The following TBC1D31 variants were observed in gnomAD, a reference collection of about 807,000 sequenced individuals.
TBC1D31 encodes the protein TBC1 domain family member 31, also known as WD repeat domain 67.
TBC1D31 carries 99 observed loss-of-function variants against 132.9 expected under a neutral mutation model. That is an observed-to-expected ratio of 0.74 (90% CI 0.63 to 0.88). The LOEUF (loss-of-function observed/expected upper bound fraction) is 0.88, where lower values mean the gene tolerates loss of function less well. Ranked by LOEUF, TBC1D31 falls within the 40% of genes least tolerant of loss-of-function variation. The probability of loss-of-function intolerance (pLI) is 0.00; values close to 1 mark genes in which losing one functional copy is unlikely to be tolerated. For synonymous variants in TBC1D31, 385 were observed against 419.4 expected (o/e 0.92, Z 1.00); for missense variants, 1,134 against 1,256.6 (o/e 0.90, Z 1.48).
chr8:123,112,348 A>C (rs1424779717), intron 10 of TBC1D31, among the ~76,000 whole-genome samples: 1 of 152,226 alleles, frequency 6.6e-6, no homozygotes, highest in Non-Finnish European at 1.5e-5. Context: ...AATCTACAAA[A>C]TAAGGTACAT....
intron 17 of TBC1D31, among the ~76,000 whole-genome samples, 168 bp from the exon 18 acceptor site, chr8:123,140,593 G>A (rs572408919): frequency 6.6e-6 from 1 of 151,942 alleles, no homozygotes; most frequent in South Asian, 2.1e-4. Context: ...GATTTCCAGG[G>A]GTCCTTACTC....
At chr8:123,095,711 T>C (rs1816775040) in intron 5 of TBC1D31, among the ~76,000 whole-genome samples, 1 of 152,218 alleles carries the variant, frequency 6.6e-6, no homozygotes, top group African/African-American at 2.4e-5. Flanking sequence ...CTTTCATGCT[T>C]TCTGGTATGA....
intron 19 of TBC1D31, among the ~76,000 whole-genome samples, chr8:123,144,408 A>T (rs1412133392): frequency 1.3e-5 from 2 of 152,240 alleles, no homozygotes; most frequent in African/African-American, 4.8e-5. Flanking sequence ...AAACTAGCTT[A>T]GTCTCATAAG....
At chr8:123,133,424 T>C (rs1018032336) in intron 16 of TBC1D31, among the ~76,000 whole-genome samples, 1 of 152,224 alleles carries the variant, frequency 6.6e-6, no homozygotes, top group Non-Finnish European at 1.5e-5. Flanking sequence ...TTTGGATATA[T>C]ATGTTTGCAC....
At chr8:123,138,605 C>G (rs533924358) in intron 17 of TBC1D31, among the ~76,000 whole-genome samples, 2 of 152,310 alleles carry the variant, frequency 1.3e-5, no homozygotes, top group Non-Finnish European at 2.9e-5. Context: ...CTGCCCCTGG[C>G]AGCCACGAAG....
chr8:123,153,776 A>G (rs909341038), downstream of TBC1D31, among the ~76,000 whole-genome samples: 2 of 152,246 alleles, frequency 1.3e-5, no homozygotes, highest in African/African-American at 4.8e-5. Context: ...TGCTACATTC[A>G]AAAAGTTTCT....
chr8:123,101,846 T>G (rs1246164850), intron 7 of TBC1D31, among the ~76,000 whole-genome samples: 2 of 152,220 alleles, frequency 1.3e-5, no homozygotes, highest in African/African-American at 4.8e-5. Context: ...CTCAGAGCCC[T>G]CAGTGCTTGC....
At chr8:123,135,961 C>A (rs1821055209) in intron 17 of TBC1D31, among the ~76,000 whole-genome samples, 1 of 152,204 alleles carries the variant, frequency 6.6e-6, no homozygotes, top group Non-Finnish European at 1.5e-5. Context: ...TAAACACTAA[C>A]ATTCTACTAA....
chr8:123,140,730 A>T, intron 17 of TBC1D31, 31 bp from the exon 18 acceptor site: 4 of 1,557,642 alleles, frequency 2.6e-6, no homozygotes, highest in Non-Finnish European at 3.5e-6. Flanking sequence ...TATATAAATT[A>T]GTGATTTTTT....
chr8:123,156,239 G>A (rs191272612), downstream of TBC1D31, among the ~76,000 whole-genome samples: 2 of 152,188 alleles, frequency 1.3e-5, no homozygotes, highest in Non-Finnish European at 2.9e-5. Flanking sequence ...TCAGGAGTTC[G>A]AGACCAGCCT....
chr8:123,129,235 T>A lies in TBC1D31; in HGVS notation c.2270+17T>A. 2.4e-5 allele frequency: 35 copies of A among 1,435,412 alleles called. No individual in the cohort carries two copies. Among genetic ancestry groups the A allele is most frequent in the South Asian group, 4.5e-5 (3 of 66,274 alleles). 88.9% of individuals were successfully genotyped at this position (1,435,412 alleles called of 1,614,324 possible). ...AAGACAGAGGTATGTGTTATCACTT[T>A]AAAAAAAAATCTGGACATATAAGTT... On this transcript the variant is annotated intron_variant, in intron 15 of 21. Transcript: ENST00000287380.
intron 18 of TBC1D31, 143 bp from the exon 19 acceptor site, chr8:123,142,119 T>G (rs1821763498): frequency 3.9e-6 from 2 of 516,684 alleles, no homozygotes; most frequent in African/African-American, 4.0e-5. Flanking sequence ...CATCAGCTTA[T>G]TTTAAACACT....
intron 21 of TBC1D31, among the ~76,000 whole-genome samples, chr8:123,150,612 A>C (rs995950331): frequency 6.6e-6 from 1 of 152,222 alleles, no homozygotes; most frequent in Non-Finnish European, 1.5e-5. Flanking sequence ...CCCCAGCAGC[A>C]GTAGAATGGC....
intron 8 of TBC1D31, among the ~76,000 whole-genome samples, chr8:123,107,507 A>T (rs1818047033): frequency 6.6e-6 from 1 of 152,242 alleles, no homozygotes; most frequent in African/African-American, 2.4e-5. Context: ...AGCAGACACA[A>T]GCCTAGCCTA....
rs375340132 is a variant in TBC1D31 at position 123,151,959 on chromosome 8, C to T, written c.*20C>T. The T allele has an allele frequency of 9.8e-5, 145 of 1,479,022 alleles. No homozygotes were observed. Among genetic ancestry groups the T allele is most frequent in the Non-Finnish European group, 1.2e-4 (132 of 1,113,184 alleles). The allele number at this position is 1,479,022 out of a possible 1,614,324, so 91.6% of individuals were successfully genotyped here. A position where few individuals can be genotyped will look rare whatever the true frequency, so the allele number is the denominator to read the frequency against. On this transcript the variant is annotated 3_prime_UTR_variant, in exon 22 of 22. Transcript: ENST00000287380. ...GCATAGAATGCATGTCACCTTGAGACGGTCGAGAGAGAGACCTATTTTGCA... is the reference window on the plus strand; with the variant it reads ...GCATAGAATGCATGTCACCTTGAGATGGTCGAGAGAGAGACCTATTTTGCA...
At chr8:123,099,366 C>T (rs1371595700) in intron 6 of TBC1D31, among the ~76,000 whole-genome samples, 4 of 152,054 alleles carry the variant, frequency 2.6e-5, no homozygotes, top group African/African-American at 4.8e-5. Flanking sequence ...GTGATCCGCC[C>T]GTGTCGGCCT....
rs551059480 is a variant in TBC1D31 at position 123,087,327 on chromosome 8, G to A, written c.519+2987G>A. ...TTGTGTGATTAATTATTTTGCTTCA[G>A]GTTGTATTATGCATGCAGTACTGCT... On this transcript the variant is annotated intron_variant, in intron 4 of 21. Transcript: ENST00000287380. Among the ~76,000 whole-genome samples, 7 of 152,182 alleles carry A rather than the reference G, an allele frequency of 4.6e-5. No individual in the cohort carries two copies. In the South Asian group the frequency reaches 1.2e-3, roughly 27 times the overall value.
intron 4 of TBC1D31, among the ~76,000 whole-genome samples, chr8:123,089,251 A>G (rs1291933461): frequency 5.9e-5 from 9 of 152,222 alleles, no homozygotes; most frequent in Non-Finnish European, 1.2e-4. Context: ...AGCATTTTGC[A>G]TAAGGAATAC....
chr8:123,160,833 GA>G, the TBC1D31 span, among the ~76,000 whole-genome samples: 1 of 152,198 alleles, frequency 6.6e-6, no homozygotes, highest in Non-Finnish European at 1.5e-5. Context: ...AGCTTTTAAA[GA>G]TGTATGTCCC....
Sources: gnomAD v4.1 joint callset for allele counts (sites outside exome capture counted in the v4.1 genomes callset) on GRCh38, gnomAD v4.1.1 for gene constraint, MANE v1.5 for transcripts, NCBI Gene and HGNC (gene_info 2026-07-23, HGNC 2026-07-21) for gene names.